Variants in KIAA1328 observed in about 807,000 individuals in gnomAD.
KIAA1328 encodes the protein protein hinderin.
Under a neutral mutation model 68.1 loss-of-function variants are expected in KIAA1328, and 52 were observed. The observed-to-expected ratio is 0.76, with a 90% CI of 0.61 to 0.96. The LOEUF is 0.96. Among genes scored for constraint, KIAA1328 ranks in the 40% least tolerant of loss-of-function variants. The pLI is 0.00. For missense variants in KIAA1328, 641 were observed against 677.6 expected, an observed-to-expected ratio of 0.95 and a Z score of 0.60; for synonymous variants, 232 against 239.4, an observed-to-expected ratio of 0.97 and a Z score of 0.28.
chr18:36,907,012 T>C (rs1318503332), intron 5 of KIAA1328, among the ~76,000 whole-genome samples: 2 of 152,132 alleles, frequency 1.3e-5, no homozygotes, highest in Non-Finnish European at 2.9e-5. Flanking sequence ...TTTGTAGTTT[T>C]CTGCTTGCAG....
At chr18:37,013,415 A>T (rs970220934) in intron 6 of KIAA1328, among the ~76,000 whole-genome samples, 5 of 152,106 alleles carry the variant, frequency 3.3e-5, no homozygotes, top group African/African-American at 1.2e-4. Flanking sequence ...ATATTAAATG[A>T]TGCTGAGGTT....
intron 5 of KIAA1328, among the ~76,000 whole-genome samples, chr18:36,941,420 C>T (rs1006901155): frequency 6.6e-6 from 1 of 151,962 alleles, no homozygotes; most frequent in Non-Finnish European, 1.5e-5. Context: ...CGTGGTAAAA[C>T]CCTATCTCAA....
chr18:36,985,518 A>G (rs1031630570), intron 6 of KIAA1328, among the ~76,000 whole-genome samples: 1 of 152,230 alleles, frequency 6.6e-6, no homozygotes, highest in Non-Finnish European at 1.5e-5. Flanking sequence ...TCAGTAAAAC[A>G]GAGTAGAGAA....
intron 6 of KIAA1328, among the ~76,000 whole-genome samples, chr18:37,032,812 T>TG (rs371763960): frequency 1.4e-3 from 211 of 152,300 alleles, no homozygotes; most frequent in African/African-American, 4.8e-3. Flanking sequence ...CAGCTAATTT[T>TG]GTGTTTTTAT....
intron 6 of KIAA1328, among the ~76,000 whole-genome samples, chr18:36,961,284 C>T (rs1052756406): frequency 5.3e-5 from 8 of 152,012 alleles, no homozygotes; most frequent in East Asian, 3.9e-4. Context: ...TAAAAACAAA[C>T]GAGCAAAGCC....
chr18:36,876,075 T>G (rs2048113179), intron 4 of KIAA1328, among the ~76,000 whole-genome samples: 1 of 152,184 alleles, frequency 6.6e-6, no homozygotes, highest in South Asian at 2.1e-4. Context: ...TGCCAGTATT[T>G]TACTGAGGAT....
At chr18:36,847,042 G>A (rs1568070828) in intron 4 of KIAA1328, among the ~76,000 whole-genome samples, 1 of 151,412 alleles carries the variant, frequency 6.6e-6, no homozygotes, top group African/African-American at 2.4e-5. Context: ...TTTGACCTCT[G>A]TATCTGGCTT....
chr18:37,057,184 A>G (rs1023346161), intron 6 of KIAA1328, among the ~76,000 whole-genome samples: 6 of 152,200 alleles, frequency 3.9e-5, no homozygotes, highest in Admixed American at 3.3e-4. Context: ...GGTTTTGAGC[A>G]TATTCATAGA....
At chr18:36,865,735 C>T (rs1189717420) in intron 4 of KIAA1328, among the ~76,000 whole-genome samples, 1 of 152,158 alleles carries the variant, frequency 6.6e-6, no homozygotes, top group Non-Finnish European at 1.5e-5. Flanking sequence ...TTGCAGCACA[C>T]CAGTTCAGGA....
intron 4 of KIAA1328, among the ~76,000 whole-genome samples, chr18:36,861,301 G>A (rs1256767545): frequency 6.6e-6 from 1 of 151,948 alleles, no homozygotes; most frequent in Non-Finnish European, 1.5e-5. Flanking sequence ...TTGATGTGTT[G>A]ATATGTCTTA....
intron 6 of KIAA1328, among the ~76,000 whole-genome samples, chr18:37,035,685 C>G (rs2151600457): frequency 6.6e-6 from 1 of 152,224 alleles, no homozygotes; most frequent in East Asian, 1.9e-4. Flanking sequence ...TAGTTTTATC[C>G]ATTCTTGTAT....
chr18:37,053,227 C>G (rs1370387276), intron 6 of KIAA1328, among the ~76,000 whole-genome samples: 1 of 152,066 alleles, frequency 6.6e-6, no homozygotes, highest in African/African-American at 2.4e-5. Context: ...CAAAGGTACA[C>G]AATGGAGAGA....
chr18:36,863,321 T>C (rs983294416), intron 4 of KIAA1328, among the ~76,000 whole-genome samples: 2 of 152,084 alleles, frequency 1.3e-5, no homozygotes, highest in Non-Finnish European at 2.9e-5. Flanking sequence ...TTTGCACTTT[T>C]GTCAGAAATT....
chr18:37,183,413 T>C (rs1371025062), intron 9 of KIAA1328, among the ~76,000 whole-genome samples: 1 of 152,168 alleles, frequency 6.6e-6, no homozygotes, highest in Non-Finnish European at 1.5e-5. Context: ...CAGTGATGTG[T>C]ATTTTTGATT....
chr18:36,890,757 G>A (rs768339675), intron 5 of KIAA1328, among the ~76,000 whole-genome samples: 3 of 152,144 alleles, frequency 2.0e-5, no homozygotes, highest in African/African-American at 7.2e-5. Context: ...AGAGTTGAAC[G>A]AATGGAAAGA....
At chr18:37,021,937 G>A (rs751423732) in intron 6 of KIAA1328, among the ~76,000 whole-genome samples, 2 of 152,082 alleles carry the variant, frequency 1.3e-5, no homozygotes, top group Non-Finnish European at 2.9e-5. Context: ...CTACTCAGGA[G>A]GCTGAGGCAG....
At chr18:37,152,036 G>A (rs1352767037) in intron 7 of KIAA1328, among the ~76,000 whole-genome samples, 1 of 145,362 alleles carries the variant, frequency 6.9e-6, no homozygotes, top group Non-Finnish European at 1.5e-5. Flanking sequence ...GGAATGGGTT[G>A]TAGGGGAAGA....
intron 6 of KIAA1328, among the ~76,000 whole-genome samples, chr18:36,974,260 A>G (rs1413808275): frequency 6.6e-6 from 1 of 152,136 alleles, no homozygotes; most frequent in African/African-American, 2.4e-5. Flanking sequence ...TAGTGTATCC[A>G]TCACCGGAAT....
At chr18:37,194,288 C>A (rs992114912) in intron 9 of KIAA1328, among the ~76,000 whole-genome samples, 2 of 152,120 alleles carry the variant, frequency 1.3e-5, no homozygotes, top group Non-Finnish European at 2.9e-5. Context: ...AAGTTTGGTA[C>A]TTTGCCAGTC....
Sources: allele counts gnomAD v4.1 joint callset (sites outside exome capture counted in the v4.1 genomes callset), GRCh38; gene constraint gnomAD v4.1.1; transcripts MANE v1.5; gene names NCBI Gene and HGNC (gene_info 2026-07-23, HGNC 2026-07-21).